The following PID1 variants were observed in gnomAD, a reference collection of about 807,000 sequenced individuals.
PID1 encodes PTB-containing, cubilin and LRP1-interacting protein.
A neutral mutation model predicts 19.1 loss-of-function variants in PID1; 10 were observed. The ratio of observed to expected loss-of-function variants is 0.52; its 90% CI spans 0.32 to 0.89. The LOEUF is 0.89. Among genes scored for constraint, PID1 ranks in the 40% least tolerant of loss-of-function variants. The pLI, the probability that PID1 is intolerant of heterozygous loss-of-function variation, is 0.03. For missense variants in PID1, 248 were observed against 285.3 expected (o/e 0.87, Z 0.94); for synonymous variants, 130 against 116.0 (o/e 1.12, Z -0.78).
chr2:229,252,661 AC>A (rs1690185245), intron 1 of PID1, among the ~76,000 whole-genome samples: 1 of 152,208 alleles, frequency 6.6e-6, no homozygotes, highest in Non-Finnish European at 1.5e-5. Context: ...AGCCTGCCTT[AC>A]TTCCAGAAAA....
At chr2:229,155,580 AAC>A in intron 2 of PID1, among the ~76,000 whole-genome samples, 1 of 151,844 alleles carries the variant, frequency 6.6e-6, no homozygotes, top group South Asian at 2.1e-4. Context: ...CTCAAAAAAA[AAC>A]AAAAACAAAA....
rs576753992 is a variant in PID1, at chr2:229,115,838, C to T, written c.177+39980G>A. 1.6e-4 allele frequency among the ~76,000 whole-genome samples: 24 copies of T among 152,256 alleles called. 1 individual carries two copies. The South Asian group carries it at 5.0e-3, about 32-fold the overall frequency. Reference sequence around the variant, plus strand: ...AAGTTACTACATTGGTTTTCTACTGCCCCAAAATCCAGAGGTGAGTCAGTG... The same window carrying T: ...AAGTTACTACATTGGTTTTCTACTGTCCCAAAATCCAGAGGTGAGTCAGTG... On this transcript the variant is annotated intron_variant, in intron 2 of 2. Coordinates refer to ENST00000392055, the MANE Select transcript of PID1 (RefSeq NM_001100818.2).
At chr2:229,229,037 C>T (rs752964153) in intron 1 of PID1, among the ~76,000 whole-genome samples, 1 of 152,148 alleles carries the variant, frequency 6.6e-6, no homozygotes. Context: ...AATGGAGACA[C>T]GGTCTGCTGA....
intron 1 of PID1, among the ~76,000 whole-genome samples, chr2:229,246,580 T>C (rs760285458): frequency 6.6e-6 from 1 of 152,128 alleles, no homozygotes; most frequent in Non-Finnish European, 1.5e-5. Context: ...CCGCAAACTT[T>C]AGTGGCAATA....
intron 2 of PID1, among the ~76,000 whole-genome samples, chr2:229,031,215 CAA>C (rs3083804): frequency 1.6e-4 from 11 of 68,422 alleles, no homozygotes; most frequent in Admixed American, 3.9e-4. Context: ...GACTCTGTCT[CAA>C]AAAAAAAAAA....
chr2:229,233,536 G>C (rs972287207), intron 1 of PID1, among the ~76,000 whole-genome samples: 1 of 150,970 alleles, frequency 6.6e-6, no homozygotes, highest in Non-Finnish European at 1.5e-5. Context: ...CTATCACCCA[G>C]GCTGGAGTGC....
chr2:229,062,320 T>C (rs13408494), intron 2 of PID1, among the ~76,000 whole-genome samples: 10,633 of 151,958 alleles, frequency 0.07, 1,244 homozygotes, highest in African/African-American at 0.24. Flanking sequence ...TGTCAAATGG[T>C]TTTTCTGCAT....
At chr2:229,061,629 C>G (rs1261505225) in intron 2 of PID1, among the ~76,000 whole-genome samples, 1 of 151,716 alleles carries the variant, frequency 6.6e-6, no homozygotes, top group Admixed American at 6.6e-5. Flanking sequence ...ATTATATTTT[C>G]TATTTCCTTG....
At chr2:229,043,758 A>T (rs1215068301) in intron 2 of PID1, among the ~76,000 whole-genome samples, 1 of 152,162 alleles carries the variant, frequency 6.6e-6, no homozygotes, top group African/African-American at 2.4e-5. Flanking sequence ...CAGATTCAGA[A>T]CTGCTTCCTT....
intron 1 of PID1, among the ~76,000 whole-genome samples, chr2:229,236,987 T>TACACACAAACAC (rs1553583949): frequency 9.3e-6 from 1 of 107,780 alleles, no homozygotes; most frequent in African/African-American, 3.6e-5. Flanking sequence ...TACACACACA[T>TACACACAAACAC]ACACACACAC....
chr2:229,034,881 A>G lies in PID1; in HGVS notation c.178-8773T>C, dbSNP rs540579276. On this transcript the variant is annotated intron_variant, in intron 2 of 2. Coordinates refer to ENST00000392055, the MANE Select transcript of PID1 (RefSeq NM_001100818.2). ...AAAATGTGTACCTGTCAGTGATCACATTGGAACCCAGTGATCAAAACTAGG... is the reference window on the plus strand; with the variant it reads ...AAAATGTGTACCTGTCAGTGATCACGTTGGAACCCAGTGATCAAAACTAGG... Among the ~76,000 whole-genome samples the G allele has an allele frequency of 1.2e-4, 18 of 152,252 alleles. 1 individual carries two copies. The South Asian group carries it at 3.5e-3, about 30-fold the overall frequency.
chr2:229,218,175 T>C (rs10498233), intron 1 of PID1, among the ~76,000 whole-genome samples: 5,979 of 151,852 alleles, frequency 0.039, 414 homozygotes, highest in African/African-American at 0.14. Context: ...GACTGGAATA[T>C]GGCAGCTGAT....
chr2:229,112,576 C>T lies in PID1; in HGVS notation c.177+43242G>A, dbSNP rs375676712. Among the ~76,000 whole-genome samples the T allele has an allele frequency of 1.4e-4, 22 of 152,282 alleles. No individual in the cohort carries two copies. The South Asian group carries it at 3.5e-3, about 24-fold the overall frequency. On this transcript the variant is annotated intron_variant, in intron 2 of 2. Transcript: ENST00000392055. ...TCTCAGCTCACTGCAAGTTCTGCCT[C>T]CCGGGTTCATGCCATTCTCCTGCCT... is the stretch of plus-strand genomic sequence containing the variant.
chr2:229,141,137 G>C (rs1350492897), intron 2 of PID1, among the ~76,000 whole-genome samples: 2 of 152,042 alleles, frequency 1.3e-5, no homozygotes, highest in Non-Finnish European at 2.9e-5. Flanking sequence ...AATAAAATTA[G>C]GGTTCTGTTG....
chr2:229,228,109 A>G, intron 1 of PID1: 1 of 451,080 alleles, frequency 2.2e-6, no homozygotes, highest in Non-Finnish European at 4.5e-6. Flanking sequence ...CAACACACCA[A>G]ATCCAAGAGA....
chr2:229,164,942 T>C (rs1574683228), intron 1 of PID1, among the ~76,000 whole-genome samples: 1 of 152,290 alleles, frequency 6.6e-6, no homozygotes, highest in East Asian at 1.9e-4. Flanking sequence ...GATCAGCATA[T>C]GCATAAAAGG....
At chr2:229,135,853 T>C (rs1689848683) in intron 2 of PID1, among the ~76,000 whole-genome samples, 1 of 152,176 alleles carries the variant, frequency 6.6e-6, no homozygotes, top group South Asian at 2.1e-4. Context: ...ATGCTCAATT[T>C]GTGCTTGTTG....
At chr2:229,249,937 T>C (rs1275119607) in intron 1 of PID1, among the ~76,000 whole-genome samples, 2 of 152,170 alleles carry the variant, frequency 1.3e-5, no homozygotes, top group Non-Finnish European at 2.9e-5. Flanking sequence ...CTGTGGAAGA[T>C]GGTCTGGAAT....
chr2:229,236,779 T>A (rs1253864334), intron 1 of PID1, among the ~76,000 whole-genome samples: 1 of 152,126 alleles, frequency 6.6e-6, no homozygotes, highest in East Asian at 1.9e-4. Flanking sequence ...AGAAGACAGA[T>A]AAAGCCACAG....
Sources: allele counts gnomAD v4.1 joint callset (sites outside exome capture counted in the v4.1 genomes callset), GRCh38; gene constraint gnomAD v4.1.1; transcripts MANE v1.5; gene names NCBI Gene and HGNC (gene_info 2026-07-23, HGNC 2026-07-21).